Variants in PDE4D observed in about 807,000 individuals in gnomAD.
PDE4D encodes the protein 3',5'-cyclic-AMP phosphodiesterase 4D.
Under a neutral mutation model 87.4 loss-of-function variants are expected in PDE4D, and 24 were observed. The ratio of observed to expected loss-of-function variants is 0.27; its 90% CI spans 0.20 to 0.39. The LOEUF is 0.39. Among genes scored for constraint, PDE4D ranks in the 10% least tolerant of loss-of-function variants. The pLI is 1.00. For missense variants in PDE4D, 714 were observed against 1,041.0 expected, an observed-to-expected ratio of 0.69 and a Z score of 4.32; for synonymous variants, 384 against 383.2, an observed-to-expected ratio of 1.00 and a Z score of -0.02.
chr5:59,760,348 A>C (rs1761815654), intron 1 of PDE4D, among the ~76,000 whole-genome samples: 1 of 152,204 alleles, frequency 6.6e-6, no homozygotes, highest in East Asian at 1.9e-4. Context: ...AGTCCACCTA[A>C]AGAAATTATT....
chr5:59,586,921 T>C (rs540471190), intron 1 of PDE4D: 2 of 985,432 alleles, frequency 2.0e-6, no homozygotes, highest in South Asian at 9.4e-5. Context: ...TTTAACGCAG[T>C]GCTACCGTCT....
intron 1 of PDE4D, among the ~76,000 whole-genome samples, chr5:59,636,131 A>T (rs1440895987): frequency 6.6e-6 from 1 of 152,146 alleles, no homozygotes; most frequent in African/African-American, 2.4e-5. Flanking sequence ...CCCATTCACA[A>T]TTGCAACAAA....
At chr5:60,104,620 G>A (rs1449010527) in intron 2 of PDE4D, among the ~76,000 whole-genome samples, 1 of 152,172 alleles carries the variant, frequency 6.6e-6, no homozygotes, top group African/African-American at 2.4e-5. Context: ...CACCAGTAGG[G>A]TCAGACTGAC....
intron 1 of PDE4D, among the ~76,000 whole-genome samples, chr5:59,236,094 T>A (rs1433611761): frequency 6.6e-6 from 1 of 152,214 alleles, no homozygotes. Context: ...GGTTTGGGCT[T>A]CTAATTATCT....
chr5:60,135,750 G>A (rs904686124), intron 2 of PDE4D, among the ~76,000 whole-genome samples: 3 of 152,118 alleles, frequency 2.0e-5, no homozygotes, highest in African/African-American at 7.2e-5. Context: ...TAGCTATAGA[G>A]GAGTGCATAT....
intron 3 of PDE4D, among the ~76,000 whole-genome samples, chr5:59,943,976 T>C (rs1757459249): frequency 1.3e-5 from 2 of 152,188 alleles, no homozygotes; most frequent in Non-Finnish European, 2.9e-5. Context: ...GAAAGGTCAC[T>C]TGGAGCCAAA....
intron 1 of PDE4D, among the ~76,000 whole-genome samples, chr5:59,369,931 G>A (rs910878979): frequency 2.0e-5 from 3 of 152,092 alleles, no homozygotes; most frequent in African/African-American, 7.2e-5. Context: ...AACTCCTCAA[G>A]CTCAATAAAT....
At chr5:59,420,627 A>C (rs1261033837) in intron 1 of PDE4D, among the ~76,000 whole-genome samples, 4 of 151,966 alleles carry the variant, frequency 2.6e-5, no homozygotes, top group African/African-American at 9.7e-5. Context: ...TACCACAAGC[A>C]ACAGAAGGAG....
At chr5:60,439,099 C>T (rs998681166) in intron 1 of PDE4D, among the ~76,000 whole-genome samples, 3 of 152,068 alleles carry the variant, frequency 2.0e-5, no homozygotes, top group Non-Finnish European at 4.4e-5. Flanking sequence ...AAGAACAATG[C>T]GTCCCCGATA....
chr5:60,045,802 C>T (rs1374486692), intron 2 of PDE4D, among the ~76,000 whole-genome samples: 4 of 152,142 alleles, frequency 2.6e-5, no homozygotes, highest in Admixed American at 1.3e-4. Context: ...AGTGTGATGC[C>T]TCCAGCTTTG....
intron 2 of PDE4D, among the ~76,000 whole-genome samples, chr5:60,016,133 C>T (rs1473865412): frequency 6.6e-6 from 1 of 152,034 alleles, no homozygotes; most frequent in Non-Finnish European, 1.5e-5. Context: ...TTTCAGACCA[C>T]TGCAATAAAG....
chr5:59,698,174 G>A (rs1262501572), intron 1 of PDE4D, among the ~76,000 whole-genome samples: 2 of 152,090 alleles, frequency 1.3e-5, no homozygotes, highest in Non-Finnish European at 2.9e-5. Context: ...TGGCTTGGAG[G>A]TTAAATGGAG....
chr5:59,586,503 C>CT (rs1825154550), intron 1 of PDE4D: 1 of 1,160,864 alleles, frequency 8.6e-7, no homozygotes, highest in Non-Finnish European at 1.0e-6. Flanking sequence ...AGTATTGAAT[C>CT]CCAAAAAAAA....
intron 1 of PDE4D, among the ~76,000 whole-genome samples, chr5:59,472,153 T>C (rs1354313283): frequency 2.0e-5 from 3 of 152,174 alleles, no homozygotes; most frequent in African/African-American, 4.8e-5. Flanking sequence ...TAAAGTCAAA[T>C]GAAGCATACT....
chr5:59,305,314 T>C (rs2153562414), intron 1 of PDE4D, among the ~76,000 whole-genome samples: 1 of 152,260 alleles, frequency 6.6e-6, no homozygotes, highest in Middle Eastern at 3.4e-3. Flanking sequence ...TAATGGTCTA[T>C]CAATTTTATT....
Position 59,758,286 on chromosome 5 carries a change from G to C in PDE4D, c.455+134882C>G, listed in dbSNP as rs74911648. Among the ~76,000 whole-genome samples, 1,030 of 152,238 alleles carry C rather than the reference G, an allele frequency of 6.8e-3. 4 individuals are homozygous for C. Among genetic ancestry groups the C allele is most frequent in the Non-Finnish European group, 0.011 (717 of 68,010 alleles). On this transcript the variant is annotated intron_variant, in intron 1 of 14. Coordinates refer to ENST00000340635, the MANE Select transcript of PDE4D (RefSeq NM_001104631.2). ...CATCCAACCTTGGTTGTTTTAAGGG[G>C]TTAATGTACACAAAGTACCTGACAC...
At chr5:60,105,250 GA>G (rs1776749269) in intron 2 of PDE4D, among the ~76,000 whole-genome samples, 1 of 152,212 alleles carries the variant, frequency 6.6e-6, no homozygotes, top group Non-Finnish European at 1.5e-5. Flanking sequence ...TCAACTGGAA[GA>G]AAGGGTATCA....
chr5:60,069,741 G>A (rs1478581012), intron 2 of PDE4D, among the ~76,000 whole-genome samples: 1 of 151,154 alleles, frequency 6.6e-6, no homozygotes, highest in South Asian at 2.1e-4. Context: ...ATTTGGATAG[G>A]GATTGCATTG....
At chr5:59,211,878 T>C (rs1231750448) in intron 2 of PDE4D, among the ~76,000 whole-genome samples, 1 of 152,144 alleles carries the variant, frequency 6.6e-6, no homozygotes, top group Non-Finnish European at 1.5e-5. Flanking sequence ...CTTCTCACTT[T>C]CCCAATAGAG....
Sources: gnomAD v4.1 joint callset for allele counts (sites outside exome capture counted in the v4.1 genomes callset) on GRCh38, gnomAD v4.1.1 for gene constraint, MANE v1.5 for transcripts, NCBI Gene and HGNC (gene_info 2026-07-23, HGNC 2026-07-21) for gene names.